NALCN: variants seen among roughly 807,000 people sequenced by gnomAD.
NALCN encodes the protein sodium leak channel, non-selective.
Under a neutral mutation model 225.3 loss-of-function variants are expected in NALCN, and 111 were observed. The ratio of observed to expected loss-of-function variants is 0.49; its 90% CI spans 0.42 to 0.58. The LOEUF is 0.58. Among genes scored for constraint, NALCN ranks in the 20% least tolerant of loss-of-function variants. The pLI, the probability that NALCN is intolerant of heterozygous loss-of-function variation, is 0.00. For missense variants in NALCN, 1,378 were observed against 2,202.4 expected, an observed-to-expected ratio of 0.63 and a Z score of 7.49; for synonymous variants, 764 against 769.0, an observed-to-expected ratio of 0.99 and a Z score of 0.11.
At chr13:101,062,929 A>G (rs778647311) in intron 40 of NALCN, among the ~76,000 whole-genome samples, 47 of 152,302 alleles carry the variant, frequency 3.1e-4, no homozygotes, top group Middle Eastern at 3.4e-3. Context: ...GAGGCTACCA[A>G]ACAAACCCAG....
chr13:101,171,694 T>C lies in NALCN; in HGVS notation c.1839+4606A>G, dbSNP rs1215467865. 3.9e-5 allele frequency among the ~76,000 whole-genome samples: 6 copies of C among 152,100 alleles called. 1 individual carries two copies. Among genetic ancestry groups the C allele is most frequent in the Non-Finnish European group, 7.4e-5 (5 of 68,018 alleles). On this transcript the variant is annotated intron_variant, in intron 15 of 43. Transcript: ENST00000251127. ...GTGGGAAGTGACAAAGGAAAAGCCA[T>C]AGAGGTGACCATCACGGCACACACT...
At chr13:101,300,610 C>T (rs1018889771) in intron 7 of NALCN, among the ~76,000 whole-genome samples, 22 of 152,072 alleles carry the variant, frequency 1.4e-4, no homozygotes, top group African/African-American at 5.3e-4. Flanking sequence ...CCACCACGCT[C>T]AGCCTCAAAA....
chr13:101,343,374 A>G (rs918289807), intron 7 of NALCN, among the ~76,000 whole-genome samples: 1 of 152,218 alleles, frequency 6.6e-6, no homozygotes, highest in African/African-American at 2.4e-5. Flanking sequence ...GAAAGGAAGG[A>G]GTCATGAGGA....
At chr13:101,237,181 TA>T (rs1425367809) in intron 12 of NALCN, among the ~76,000 whole-genome samples, 2 of 151,828 alleles carry the variant, frequency 1.3e-5, no homozygotes, top group Non-Finnish European at 2.9e-5. Flanking sequence ...ATATCACATT[TA>T]AAAAAAGATA....
chr13:101,249,631 C>T (rs1343856687), intron 11 of NALCN, among the ~76,000 whole-genome samples: 2 of 151,972 alleles, frequency 1.3e-5, no homozygotes, highest in African/African-American at 4.8e-5. Flanking sequence ...TAATATACTG[C>T]ACTAAGAAAT....
intron 13 of NALCN, among the ~76,000 whole-genome samples, chr13:101,205,666 G>A (rs888302124): frequency 2.0e-5 from 3 of 152,072 alleles, no homozygotes; most frequent in African/African-American, 7.2e-5. Flanking sequence ...AGACTGTCAA[G>A]TTTCTTGGAG....
chr13:101,174,169 G>T (rs2038863941), intron 15 of NALCN, among the ~76,000 whole-genome samples: 1 of 152,106 alleles, frequency 6.6e-6, no homozygotes, highest in Non-Finnish European at 1.5e-5. Flanking sequence ...ATTAATAGAA[G>T]AATTTAATAG....
At chr13:101,121,428 G>C (rs1429389561) in intron 18 of NALCN, among the ~76,000 whole-genome samples, 2 of 152,032 alleles carry the variant, frequency 1.3e-5, no homozygotes, top group Non-Finnish European at 2.9e-5. Flanking sequence ...AGGTTTTTGT[G>C]ATTTATCTCT....
chr13:101,231,637 AATAT>A (rs1198262414), intron 12 of NALCN, among the ~76,000 whole-genome samples: 1 of 152,222 alleles, frequency 6.6e-6, no homozygotes, highest in Non-Finnish European at 1.5e-5. Context: ...GCATAAATGA[AATAT>A]AGTTTATACA....
chr13:101,264,405 C>A (rs1268193209), intron 10 of NALCN, among the ~76,000 whole-genome samples: 1 of 151,908 alleles, frequency 6.6e-6, no homozygotes. Context: ...TATATGACAG[C>A]TGGAATTTTC....
At chr13:101,311,461 A>C (rs1414713842) in intron 7 of NALCN, among the ~76,000 whole-genome samples, 1 of 143,214 alleles carries the variant, frequency 7.0e-6, no homozygotes, top group Non-Finnish European at 1.5e-5. Context: ...GAATGCTTCC[A>C]TTTTTGCCCA....
At chr13:101,084,257 A>G (rs1264678438) in intron 30 of NALCN, among the ~76,000 whole-genome samples, 1 of 152,212 alleles carries the variant, frequency 6.6e-6, no homozygotes, top group Non-Finnish European at 1.5e-5. Context: ...TTTGAGAGAT[A>G]CAAAGTCATA....
At chr13:101,157,750 C>CT (rs11322942) in intron 15 of NALCN, among the ~76,000 whole-genome samples, 4,720 of 138,670 alleles carry the variant, frequency 0.034, 244 homozygotes, top group African/African-American at 0.11. Context: ...GGGACATGGT[C>CT]TTTTTTTTTT....
chr13:101,363,762 C>G (rs1167794328), intron 6 of NALCN, among the ~76,000 whole-genome samples: 2 of 151,958 alleles, frequency 1.3e-5, no homozygotes, highest in Non-Finnish European at 1.5e-5. Context: ...AACTTCGGCA[C>G]AGCAAAGGAA....
intron 2 of NALCN, among the ~76,000 whole-genome samples, chr13:101,397,554 C>T (rs1236949257): frequency 1.0e-4 from 15 of 150,672 alleles, no homozygotes; most frequent in Non-Finnish European, 3.0e-5. Flanking sequence ...GGGTAATATG[C>T]ATATATGTTA....
Position 101,059,823 on chromosome 13 carries a change from G to C in NALCN, c.4900C>G (p.Pro1634Ala). 6.2e-7 allele frequency: 1 copy of C among 1,613,932 alleles called. No individual in the cohort carries two copies. Among genetic ancestry groups the C allele is most frequent in the Non-Finnish European group, 8.5e-7 (1 of 1,179,994 alleles). Residue 1634 changes from proline to alanine, a missense_variant, in exon 42 of 44, where the codon CCT (proline) becomes GCT (alanine). Transcript: ENST00000251127. Reference sequence around the variant, plus strand: ...AGGACGCCTCGTGCCCATACCTCAGGTTGCATGCTGTTGTCCTGACTGTTG... The same window carrying C: ...AGGACGCCTCGTGCCCATACCTCAGCTTGCATGCTGTTGTCCTGACTGTTG... Reference protein sequence around the residue: ...NANSQDNSMQPETSSQQQLLS... With the variant: ...NANSQDNSMQAETSSQQQLLS...
In NALCN at chr13:101,360,193, TCTCTCTCTCTC is replaced by T. The variant is rs757009794; in HGVS notation, c.645-14784_645-14774del. On this transcript the variant is annotated intron_variant, in intron 6 of 43. Coordinates refer to ENST00000251127, the MANE Select transcript of NALCN (RefSeq NM_052867.4). ...TTCTTCCTCTCTTCCTCTCTTCCTC[TCTCTCTCTCTC>T]TCTCTCTCTCTCTCTCTCTCTCTCT... Among the ~76,000 whole-genome samples, 33 of 46,784 alleles carry T rather than the reference TCTCTCTCTCTC, an allele frequency of 7.1e-4. 1 individual carries two copies. Among genetic ancestry groups the T allele is most frequent in the African/African-American group, 3.2e-3 (32 of 9,938 alleles). 30.7% of individuals were successfully genotyped at this position (46,784 alleles called of 152,430 possible). A position where few individuals can be genotyped will look rare whatever the true frequency, so the allele number is the denominator to read the frequency against.
chr13:101,232,204 C>A (rs895560412), intron 12 of NALCN, among the ~76,000 whole-genome samples: 4 of 151,852 alleles, frequency 2.6e-5, no homozygotes, highest in Admixed American at 2.6e-4. Flanking sequence ...CCTGAAACCA[C>A]GTTTACTGCA....
At chr13:101,105,095 G>A in intron 22 of NALCN, 145 bp from the exon 23 acceptor site, 1 of 629,998 alleles carries the variant, frequency 1.6e-6, no homozygotes, top group East Asian at 2.7e-5. Flanking sequence ...TTAACTGTAG[G>A]TAACTCTGGA....
Sources: gnomAD v4.1 joint callset for allele counts (sites outside exome capture counted in the v4.1 genomes callset) on GRCh38, gnomAD v4.1.1 for gene constraint, MANE v1.5 for transcripts, NCBI Gene and HGNC (gene_info 2026-07-23, HGNC 2026-07-21) for gene names.